POT1: variants seen among roughly 807,000 people sequenced by gnomAD.
The protein encoded by POT1 is protection of telomeres 1, also known as protection of telomeres protein 1.
In POT1, 47 loss-of-function variants were observed where a neutral mutation model predicts 78.5. The observed-to-expected ratio is 0.60, with a 90% CI of 0.47 to 0.76. The LOEUF is 0.76. Among genes scored for constraint, POT1 ranks in the 30% least tolerant of loss-of-function variants. The pLI, the probability that POT1 is intolerant of heterozygous loss-of-function variation, is 0.00. For synonymous variants in POT1, 259 were observed against 260.7 expected (o/e 0.99, Z 0.06); for missense variants, 646 against 749.9 (o/e 0.86, Z 1.62).
chr7:124,879,900 A>C (rs1238615189), intron 6 of POT1, among the ~76,000 whole-genome samples: 1 of 152,138 alleles, frequency 6.6e-6, no homozygotes, highest in East Asian at 1.9e-4. Context: ...CACACAGTAC[A>C]TCATTTATGT....
intron 3 of POT1, among the ~76,000 whole-genome samples, chr7:124,905,314 A>T (rs899501544): frequency 2.6e-5 from 4 of 152,208 alleles, no homozygotes. Context: ...CAGAGCCCTC[A>T]GAAATAATAC....
intron 7 of POT1, among the ~76,000 whole-genome samples, chr7:124,869,565 A>G (rs1042866749): frequency 6.6e-6 from 1 of 152,032 alleles, no homozygotes; most frequent in African/African-American, 2.4e-5. Context: ...CATTTCTATG[A>G]TGATAATATT....
intron 6 of POT1, among the ~76,000 whole-genome samples, chr7:124,875,361 C>T (rs1795964552): frequency 6.6e-6 from 1 of 151,960 alleles, no homozygotes; most frequent in African/African-American, 2.4e-5. Flanking sequence ...TGAAATGAGG[C>T]AATTGTCTAA....
chr7:124,886,857 T>C (rs1161932873), intron 6 of POT1, among the ~76,000 whole-genome samples: 1 of 152,164 alleles, frequency 6.6e-6, no homozygotes, highest in Admixed American at 6.6e-5. Context: ...TTGTCATCAA[T>C]GTTTTAACAG....
intron 3 of POT1, among the ~76,000 whole-genome samples, chr7:124,915,291 T>G (rs910180154): frequency 6.6e-6 from 1 of 152,186 alleles, no homozygotes; most frequent in African/African-American, 2.4e-5. Flanking sequence ...GAGGGCTATA[T>G]GGAGAAAGAA....
chr7:124,891,350 T>A (rs1040523346), intron 6 of POT1, among the ~76,000 whole-genome samples: 2 of 151,732 alleles, frequency 1.3e-5, no homozygotes, highest in African/African-American at 2.4e-5. Flanking sequence ...TTGGTTACCA[T>A]TGGCAAGAAG....
In POT1 at chr7:124,929,774, ACCTTAC is replaced by A. The variant is rs2116735730; in HGVS notation, c.-412+14_-412+19del. 6.6e-6 allele frequency: 1 copy of A among 152,168 alleles called. No homozygotes were observed. Among genetic ancestry groups the A allele is most frequent in the Non-Finnish European group, 1.5e-5 (1 of 68,028 alleles). The allele number at this position is 152,168 out of a possible 1,614,324, so 9.4% of individuals were successfully genotyped here. A position where few individuals can be genotyped will look rare whatever the true frequency, so the allele number is the denominator to read the frequency against. The stretch of plus-strand genomic sequence containing the variant: ...GCACCCACTCAAATGAACACACCAA[ACCTTAC>A]AAATTTCACTCACCCGTACTCTAGA... On this transcript the variant is annotated intron_variant, in intron 1 of 18. Transcript: ENST00000357628.
intron 9 of POT1, among the ~76,000 whole-genome samples, chr7:124,857,546 G>C (rs1235071009): frequency 6.6e-6 from 1 of 152,322 alleles, no homozygotes; most frequent in African/African-American, 2.4e-5. Flanking sequence ...GGGAAGAGAG[G>C]CAGCTGGCCA....
chr7:124,912,876 G>A (rs1465252671), intron 3 of POT1, among the ~76,000 whole-genome samples: 2 of 152,110 alleles, frequency 1.3e-5, no homozygotes, highest in Non-Finnish European at 2.9e-5. Context: ...TCCCCAGAAT[G>A]CCAGGACCAC....
At chr7:124,905,046 TATC>T (rs1046880467) in intron 3 of POT1, among the ~76,000 whole-genome samples, 1 of 152,090 alleles carries the variant, frequency 6.6e-6, no homozygotes, top group African/African-American at 2.4e-5. Context: ...AAAGAATCAG[TATC>T]ATGAAAATGG....
chr7:124,875,681 T>C (rs893752490), intron 6 of POT1, among the ~76,000 whole-genome samples: 1 of 152,156 alleles, frequency 6.6e-6, no homozygotes, highest in Non-Finnish European at 1.5e-5. Flanking sequence ...ATATCCTATA[T>C]AAAGTTTCTC....
intron 8 of POT1, among the ~76,000 whole-genome samples, chr7:124,860,646 T>C (rs889209770): frequency 2.0e-5 from 3 of 152,186 alleles, no homozygotes; most frequent in Admixed American, 6.6e-5. Flanking sequence ...TTGGGATACA[T>C]GTGCAGAATG....
At position 124,829,331 on chromosome 7, in the gene POT1, C is replaced by G. The variant is rs775694109; in HGVS notation, c.1517G>C (p.Cys506Ser). 1 of 1,565,544 alleles carries G rather than the reference C, an allele frequency of 6.4e-7. No individual in the cohort carries two copies. The highest frequency in any genetic ancestry group is 8.8e-7 in the Non-Finnish European group (1 of 1,138,614). Residue 506 changes from cysteine to serine, a missense_variant, in exon 16 of 19, where the codon TGT (cysteine) becomes TCT (serine). By Grantham distance (112) the Cys-to-Ser change is moderately radical. Coordinates refer to ENST00000357628, the MANE Select transcript of POT1 (RefSeq NM_015450.3). ...ATTTTGTATGGATCTCAAACTAGAA[C>G]ACTGTTTACATCTGAAATTTATAAA... is the stretch of plus-strand genomic sequence containing the variant. Reference protein sequence around the residue: ...GTIHHYGCKQCSSLRSIQNLN... With the variant: ...GTIHHYGCKQSSSLRSIQNLN...
intron 7 of POT1, among the ~76,000 whole-genome samples, chr7:124,864,502 C>T (rs549136391): frequency 6.6e-6 from 1 of 151,586 alleles, no homozygotes; most frequent in Non-Finnish European, 1.5e-5. Context: ...TGCTTCTTTG[C>T]TTTTTTAAAA....
rs866104123 is a variant in POT1, at chr7:124,865,548, T to C, written c.256-1908A>G. On this transcript the variant is annotated intron_variant, in intron 7 of 18. Transcript: ENST00000357628. ...TATCTGATCTATTTAGCCCATCCAT[T>C]AGATTTTTCATTTGTTCTTTTCAGT... is the stretch of plus-strand genomic sequence containing the variant. Among the ~76,000 whole-genome samples the C allele has an allele frequency of 1.6e-4, 24 of 152,094 alleles. 1 individual carries two copies. The highest frequency in any genetic ancestry group is 2.4e-4 in the Non-Finnish European group (16 of 67,954).
chr7:124,885,790 A>AAAAAT (rs1491298514), intron 6 of POT1, among the ~76,000 whole-genome samples: 1 of 83,668 alleles, frequency 1.2e-5, no homozygotes, highest in African/African-American at 4.9e-5. Flanking sequence ...AAATAAAAAT[A>AAAAAT]AAAATAAAAT....
At position 124,905,239 on chromosome 7, in the gene POT1, G is replaced by T. The variant is rs560181225; in HGVS notation, c.-153-6865C>A. ...TACCTGACTCCAAACTATACTACAG[G>T]GCTACAGTAACCAAAACAGCATGGT... On this transcript the variant is annotated intron_variant, in intron 3 of 18. Transcript: ENST00000357628. 3.3e-5 allele frequency among the ~76,000 whole-genome samples: 5 copies of T among 152,158 alleles called. No individual in the cohort carries two copies. In the South Asian group the frequency reaches 8.3e-4, roughly 25 times the overall value.
intron 8 of POT1, among the ~76,000 whole-genome samples, chr7:124,860,247 A>C (rs1192735581): frequency 1.3e-5 from 2 of 152,034 alleles, no homozygotes; most frequent in East Asian, 3.9e-4. Flanking sequence ...TTAGTGTGTA[A>C]ATGAAACTAC....
intron 2 of POT1, among the ~76,000 whole-genome samples, chr7:124,916,594 T>C (rs1252027095): frequency 6.6e-6 from 1 of 152,086 alleles, no homozygotes; most frequent in Non-Finnish European, 1.5e-5. Context: ...AAGATTTCCC[T>C]GAAATGAGAA....
Sources: allele counts gnomAD v4.1 joint callset (sites outside exome capture counted in the v4.1 genomes callset), GRCh38; gene constraint gnomAD v4.1.1; transcripts MANE v1.5; gene names NCBI Gene and HGNC (gene_info 2026-07-23, HGNC 2026-07-21).